Variants in GTF2E1 observed in about 807,000 individuals in gnomAD.
GTF2E1 encodes the protein TFIIE alpha subunit.
A neutral mutation model predicts 34.9 loss-of-function variants in GTF2E1; 14 were observed. The observed-to-expected ratio is 0.40, with a 90% CI of 0.27 to 0.63. GTF2E1 has a LOEUF of 0.63. GTF2E1 is among the 20% of genes least tolerant of loss of function. The pLI, the probability that GTF2E1 is intolerant of heterozygous loss-of-function variation, is 0.39. For missense variants in GTF2E1, 469 were observed against 557.7 expected (o/e 0.84, Z 1.60); for synonymous variants, 188 against 192.9 (o/e 0.97, Z 0.21).
intron 2 of GTF2E1, among the ~76,000 whole-genome samples, chr3:120,765,656 CTT>C (rs1709301140): frequency 6.6e-6 from 1 of 152,216 alleles, no homozygotes; most frequent in Non-Finnish European, 1.5e-5. Flanking sequence ...ACTTGGTAAA[CTT>C]AACGCCTCTT....
intron 2 of GTF2E1, among the ~76,000 whole-genome samples, chr3:120,769,823 A>T (rs1331729563): frequency 6.6e-6 from 1 of 152,118 alleles, no homozygotes; most frequent in Non-Finnish European, 1.5e-5. Context: ...TTTCTCACTT[A>T]TTTGGGATAG....
intron 2 of GTF2E1, among the ~76,000 whole-genome samples, chr3:120,764,889 G>C (rs140597134): frequency 6.6e-6 from 1 of 152,150 alleles, no homozygotes; most frequent in African/African-American, 2.4e-5. Flanking sequence ...GTTGGAAGCA[G>C]TTAAGTTGAA....
intron 2 of GTF2E1, among the ~76,000 whole-genome samples, chr3:120,770,340 C>T (rs971735284): frequency 5.3e-5 from 8 of 152,052 alleles, no homozygotes. Flanking sequence ...ATTTGGCTTT[C>T]CCCATAACGT....
At chr3:120,766,469 T>A (rs73183721) in intron 2 of GTF2E1, among the ~76,000 whole-genome samples, 3,244 of 152,274 alleles carry the variant, frequency 0.021, 55 homozygotes, top group Middle Eastern at 0.054. Context: ...GTCTGTTTTT[T>A]ATCATTCTTT....
At chr3:120,760,150 C>A (rs1337257201) in intron 2 of GTF2E1, among the ~76,000 whole-genome samples, 1 of 152,146 alleles carries the variant, frequency 6.6e-6, no homozygotes, top group East Asian at 1.9e-4. Flanking sequence ...TCCTTCACAT[C>A]CCTTATAAGT....
intron 2 of GTF2E1, among the ~76,000 whole-genome samples, chr3:120,756,831 C>T (rs1709213654): frequency 6.6e-6 from 1 of 152,064 alleles, no homozygotes; most frequent in African/African-American, 2.4e-5. Context: ...GAGGCTGAGG[C>T]AGGAGAATCC....
chr3:120,761,286 T>C (rs1324380145), intron 2 of GTF2E1, among the ~76,000 whole-genome samples: 1 of 152,232 alleles, frequency 6.6e-6, no homozygotes. Context: ...CGTTTTTTAT[T>C]GCATCTATTT....
chr3:120,776,526 C>T lies in GTF2E1; in HGVS notation c.754C>T (p.Gln252Ter). 3 of 1,613,988 alleles carry T rather than the reference C, an allele frequency of 1.9e-6. No homozygotes were observed. The highest frequency in any genetic ancestry group is 2.5e-6 in the Non-Finnish European group (3 of 1,179,918). Residue 252 changes from glutamine to a stop codon, truncating the protein, a stop_gained, in exon 4 of 5, where the codon CAG becomes TAG. Transcript: ENST00000283875. LOFTEE classifies it high-confidence loss of function. ...KGPSYEDLYT[Q>*]NVVINMDDQE... ...TCCTTCCTATGAAGACTTATACACTCAGAATGTTGTCATTAACATGGATGA... is the reference window on the plus strand; with the variant it reads ...TCCTTCCTATGAAGACTTATACACTTAGAATGTTGTCATTAACATGGATGA...
At chr3:120,763,871 TC>T (rs915033094) in intron 2 of GTF2E1, among the ~76,000 whole-genome samples, 60 of 152,262 alleles carry the variant, frequency 3.9e-4, no homozygotes, top group Middle Eastern at 3.4e-3. Context: ...TCCAGAGGCT[TC>T]TTCTTTCCCT....
chr3:120,745,544 G>C (rs1298378262), intron 1 of GTF2E1, among the ~76,000 whole-genome samples: 4 of 152,156 alleles, frequency 2.6e-5, no homozygotes, highest in Non-Finnish European at 5.9e-5. Flanking sequence ...AAAACCTTTA[G>C]GAGTGGGGCC....
intron 2 of GTF2E1, among the ~76,000 whole-genome samples, chr3:120,765,002 T>TA (rs1336844394): frequency 6.6e-6 from 1 of 151,430 alleles, no homozygotes. Flanking sequence ...TTTTTTTTTT[T>TA]AATTGTTGTT....
intron 3 of GTF2E1, among the ~76,000 whole-genome samples, chr3:120,774,982 A>G (rs1440489376): frequency 6.6e-6 from 1 of 152,192 alleles, no homozygotes; most frequent in African/African-American, 2.4e-5. Flanking sequence ...CAGAGGCAGG[A>G]CAGGATAGGT....
At chr3:120,777,759 T>G (rs1485129826) in intron 4 of GTF2E1, among the ~76,000 whole-genome samples, 1 of 152,224 alleles carries the variant, frequency 6.6e-6, no homozygotes. Flanking sequence ...GGAGTCTCGC[T>G]CTGTTGCCTA....
At chr3:120,780,308 GA>G in intron 4 of GTF2E1, among the ~76,000 whole-genome samples, 1 of 152,230 alleles carries the variant, frequency 6.6e-6, no homozygotes, top group South Asian at 2.1e-4. Context: ...TGCTATGGGG[GA>G]AAAATAGAGC....
intron 1 of GTF2E1, among the ~76,000 whole-genome samples, chr3:120,749,577 A>T (rs1709144249): frequency 6.6e-6 from 1 of 152,078 alleles, no homozygotes; most frequent in Non-Finnish European, 1.5e-5. Flanking sequence ...CGTATATTGA[A>T]CCAGCCTTGC....
Position 120,776,404 on chromosome 3 carries a change from C to T in GTF2E1, c.651-19C>T. The T allele has an allele frequency of 6.2e-7, 1 of 1,604,840 alleles. No homozygotes were observed. Among genetic ancestry groups the T allele is most frequent in the Non-Finnish European group, 8.5e-7 (1 of 1,177,144 alleles). The stretch of plus-strand genomic sequence containing the variant: ...ATTAATTTTTCTTCTTCCTGTACTC[C>T]TCTATTCTTTTTATATAGCAAGGAC... On this transcript the variant is annotated intron_variant, in intron 3 of 4. Transcript: ENST00000283875.
intron 2 of GTF2E1, among the ~76,000 whole-genome samples, chr3:120,770,387 A>C (rs751179492): frequency 6.6e-6 from 1 of 152,186 alleles, no homozygotes; most frequent in Non-Finnish European, 1.5e-5. Context: ...AAAAAGACTA[A>C]AGCTGCCAGG....
chr3:120,781,602 A>G lies in GTF2E1; in HGVS notation c.*132A>G, dbSNP rs1298948528. The stretch of plus-strand genomic sequence containing the variant: ...ACTGTCCATCCTTGTGCAAAGATTG[A>G]TGGTAGAGAGTTTGACTTTTATGCC... On this transcript the variant is annotated 3_prime_UTR_variant, in exon 5 of 5. Coordinates refer to ENST00000283875, the MANE Select transcript of GTF2E1 (RefSeq NM_005513.3). 6 of 693,920 alleles carry G rather than the reference A, an allele frequency of 8.6e-6. No homozygotes were observed. Among genetic ancestry groups the G allele is most frequent in the Non-Finnish European group, 1.4e-5 (6 of 414,132 alleles). 43.0% of individuals were successfully genotyped at this position (693,920 alleles called of 1,614,324 possible).
Position 120,781,424 on chromosome 3 carries a change from CAT to C in GTF2E1, c.1280_1281del (p.Ile427SerfsTer8). Reference sequence around the variant, plus strand: ...CAGATGACACCAGAAGAAAAGGAAGCATATATAGCAATGGGACAACGCATGTT... The same window carrying C: ...CAGATGACACCAGAAGAAAAGGAAGCATATAGCAATGGGACAACGCATGTT... On this transcript the variant is annotated frameshift_variant, in exon 5 of 5. Transcript: ENST00000283875. LOFTEE classifies it high-confidence loss of function. The C allele has an allele frequency of 6.2e-7, 1 of 1,614,074 alleles. No individual in the cohort carries two copies. The highest frequency in any genetic ancestry group is 8.5e-7 in the Non-Finnish European group (1 of 1,179,926).
Sources: allele counts gnomAD v4.1 joint callset (sites outside exome capture counted in the v4.1 genomes callset), GRCh38; gene constraint gnomAD v4.1.1; transcripts MANE v1.5; gene names NCBI Gene and HGNC (gene_info 2026-07-23, HGNC 2026-07-21).